Variants in PCDH11X observed in about 807,000 individuals in gnomAD.
The protein encoded by PCDH11X is protocadherin 11 X-linked.
Under a neutral mutation model 53.3 loss-of-function variants are expected in PCDH11X, and 18 were observed. The observed-to-expected ratio is 0.34, with a 90% CI of 0.23 to 0.50. The LOEUF is 0.50. PCDH11X is among the 20% of genes least tolerant of loss of function. PCDH11X has a pLI of 0.98. For missense variants in PCDH11X, 570 were observed against 1,032.4 expected (o/e 0.55, Z 6.14); for synonymous variants, 279 against 393.3 (o/e 0.71, Z 3.44).
intron 10 of PCDH11X, among the ~76,000 whole-genome samples, chrX:92,522,845 G>T (rs2074390200): frequency 8.9e-6 from 1 of 111,860 alleles, no homozygotes; most frequent in Non-Finnish European, 1.9e-5. Flanking sequence ...ATTATAAAGT[G>T]CCAAAACAAA....
intron 6 of PCDH11X, among the ~76,000 whole-genome samples, chrX:91,968,944 C>T (rs1488864519): frequency 9.0e-6 from 1 of 111,442 alleles, no homozygotes; most frequent in Admixed American, 9.6e-5. Flanking sequence ...GTCTTAATTT[C>T]TCTTAGAAAG....
intron 10 of PCDH11X, among the ~76,000 whole-genome samples, chrX:92,482,511 G>A (rs1296297727): frequency 1.8e-5 from 2 of 111,412 alleles, no homozygotes; most frequent in African/African-American, 6.5e-5. Flanking sequence ...TTTTTTACGA[G>A]TTTATCAAAT....
At chrX:92,371,015 CA>C (rs768104508) in intron 8 of PCDH11X, among the ~76,000 whole-genome samples, 15 of 111,752 alleles carry the variant, frequency 1.3e-4, no homozygotes, top group Non-Finnish European at 2.6e-4. Context: ...TTACTATTAG[CA>C]TAGCTATGAT....
chrX:92,522,580 G>A (rs1295919630), intron 10 of PCDH11X, among the ~76,000 whole-genome samples: 2 of 111,472 alleles, frequency 1.8e-5, no homozygotes, highest in African/African-American at 6.5e-5. Flanking sequence ...TGGACACAAG[G>A]TTGCCACAGA....
At chrX:92,252,041 G>A (rs984305855) in intron 7 of PCDH11X, among the ~76,000 whole-genome samples, 4 of 111,034 alleles carry the variant, frequency 3.6e-5, no homozygotes, top group Non-Finnish European at 5.7e-5. Flanking sequence ...ATTTTAGAAA[G>A]AAAATAGTCA....
At chrX:92,131,814 G>C (rs1408981084) in intron 6 of PCDH11X, among the ~76,000 whole-genome samples, 1 of 109,184 alleles carries the variant, frequency 9.2e-6, no homozygotes, top group Non-Finnish European at 1.9e-5. Flanking sequence ...GGAGGACTGG[G>C]GAGTTTCTTC....
chrX:92,228,751 A>C (rs2067015581), intron 7 of PCDH11X, among the ~76,000 whole-genome samples: 1 of 111,712 alleles, frequency 9.0e-6, no homozygotes, highest in Admixed American at 9.6e-5. Context: ...TTATTACTTG[A>C]AAAAAAATTT....
At chrX:91,847,750 T>C (rs1244211378) in intron 5 of PCDH11X, among the ~76,000 whole-genome samples, 1 of 111,596 alleles carries the variant, frequency 9.0e-6, no homozygotes, top group Non-Finnish European at 1.9e-5. Flanking sequence ...CAAGCTTACA[T>C]AGGGTGAATT....
chrX:92,190,331 C>T (rs1172680687), intron 6 of PCDH11X, among the ~76,000 whole-genome samples: 1 of 111,449 alleles, frequency 9.0e-6, no homozygotes, highest in Non-Finnish European at 1.9e-5. Flanking sequence ...AATTCTTTCC[C>T]CATTGCTTGC....
chrX:92,252,802 T>C (rs1416436465), intron 7 of PCDH11X, among the ~76,000 whole-genome samples: 1 of 110,991 alleles, frequency 9.0e-6, no homozygotes, highest in African/African-American at 3.3e-5. Flanking sequence ...GGATAAACTC[T>C]AGTGTCTTTA....
At chrX:92,321,919 T>C (rs2755369) in intron 8 of PCDH11X, among the ~76,000 whole-genome samples, 40,813 of 101,610 alleles carry the variant, frequency 0.4, 7,780 homozygotes, top group East Asian at 0.71. Context: ...TTTCTTGTTT[T>C]GATTTTTGAC....
intron 8 of PCDH11X, among the ~76,000 whole-genome samples, chrX:92,373,651 CTG>C (rs1244355644): frequency 8.9e-6 from 1 of 111,864 alleles, no homozygotes; most frequent in African/African-American, 3.2e-5. Flanking sequence ...CTTAAAATCT[CTG>C]AGAGAAATTA....
At chrX:92,546,744 A>G (rs1425961931) in intron 10 of PCDH11X, among the ~76,000 whole-genome samples, 2 of 111,335 alleles carry the variant, frequency 1.8e-5, no homozygotes, top group South Asian at 3.8e-4. Context: ...AGTATTTCAA[A>G]CCATACAATT....
chrX:92,298,149 T>A (rs2068647024), intron 8 of PCDH11X, among the ~76,000 whole-genome samples: 1 of 111,675 alleles, frequency 9.0e-6, no homozygotes, highest in Admixed American at 9.5e-5. Flanking sequence ...CTTTCTCTTG[T>A]CTGATTGCTC....
chrX:92,591,069 T>A (rs942715690), intron 10 of PCDH11X, among the ~76,000 whole-genome samples: 1 of 111,934 alleles, frequency 8.9e-6, no homozygotes, highest in African/African-American at 3.3e-5. Flanking sequence ...TATGTGTATT[T>A]TGTGACAGCT....
chrX:92,211,687 A>G, intron 7 of PCDH11X, among the ~76,000 whole-genome samples: 1 of 112,051 alleles, frequency 8.9e-6, no homozygotes, highest in Middle Eastern at 4.7e-3. Context: ...AAGAATCCAC[A>G]GGAATTTGGC....
intron 6 of PCDH11X, among the ~76,000 whole-genome samples, chrX:92,039,031 A>G (rs2063171547): frequency 1.8e-5 from 2 of 111,980 alleles, no homozygotes; most frequent in South Asian, 7.5e-4. Context: ...GTCCTAAAAG[A>G]GACTTGAACC....
chrX:92,381,132 G>A (rs1261711944), intron 8 of PCDH11X, among the ~76,000 whole-genome samples: 5 of 100,976 alleles, frequency 5.0e-5, no homozygotes, highest in African/African-American at 1.1e-4. Flanking sequence ...TTACCACAAC[G>A]TTGCTTGCTA....
intron 8 of PCDH11X, among the ~76,000 whole-genome samples, chrX:92,298,798 G>A (rs2068662266): frequency 9.0e-6 from 1 of 111,141 alleles, no homozygotes; most frequent in Admixed American, 9.6e-5. Context: ...GGGGAAGAGA[G>A]TTTTTATTTC....
Sources: gnomAD v4.1 joint callset for allele counts (sites outside exome capture counted in the v4.1 genomes callset) on GRCh38, gnomAD v4.1.1 for gene constraint, MANE v1.5 for transcripts, NCBI Gene and HGNC (gene_info 2026-07-23, HGNC 2026-07-21) for gene names.